Variants in DPYD observed in about 807,000 individuals in gnomAD.
DPYD encodes the protein dihydropyrimidine dehydrogenase [NADP(+)].
Under a neutral mutation model 116.2 loss-of-function variants are expected in DPYD, and 109 were observed. That is an observed-to-expected ratio of 0.94 (90% CI 0.80 to 1.10). The LOEUF (loss-of-function observed/expected upper bound fraction) is 1.10. DPYD is among the 50% of genes least tolerant of loss of function. DPYD has a pLI of 0.00. For synonymous variants in DPYD, 440 were observed against 432.0 expected (o/e 1.02, Z -0.23); for missense variants, 1,302 against 1,254.5 (o/e 1.04, Z -0.57).
chr1:97,130,252 C>T (rs1260014260), intron 20 of DPYD, among the ~76,000 whole-genome samples: 3 of 152,022 alleles, frequency 2.0e-5, no homozygotes, highest in African/African-American at 4.8e-5. Flanking sequence ...TCCATGGTTA[C>T]GAGTGAGAAA....
intron 13 of DPYD, among the ~76,000 whole-genome samples, chr1:97,496,961 T>A (rs376986234): frequency 2.0e-5 from 3 of 152,116 alleles, no homozygotes; most frequent in African/African-American, 7.2e-5. Context: ...TCTATTGCCA[T>A]CCAAATGAAT....
chr1:97,569,872 T>G (rs950854509), intron 11 of DPYD, among the ~76,000 whole-genome samples: 6 of 151,950 alleles, frequency 3.9e-5, no homozygotes, highest in Non-Finnish European at 8.8e-5. Flanking sequence ...TACTTCCCAC[T>G]CCCTGGTACA....
intron 3 of DPYD, among the ~76,000 whole-genome samples, chr1:97,771,502 C>CA (rs1666141468): frequency 6.6e-6 from 1 of 151,860 alleles, no homozygotes; most frequent in Non-Finnish European, 1.5e-5. Context: ...ATGAAATTAA[C>CA]AAAAAAGCAT....
In DPYD at chr1:97,533,432, CAA is replaced by C. The variant is rs762223323; in HGVS notation, c.1524+16126_1524+16127del. Among the ~76,000 whole-genome samples the C allele has an allele frequency of 1.3e-4, 20 of 152,158 alleles. No individual in the cohort carries two copies. The East Asian group carries it at 3.5e-3, about 26-fold the overall frequency. ...AATAAATAACATGTTGACAAATTTTCAAAAGTGTCAATCAAAAAGGTAACAAT... is the reference window on the plus strand; with the variant it reads ...AATAAATAACATGTTGACAAATTTTCAAGTGTCAATCAAAAAGGTAACAAT... On this transcript the variant is annotated intron_variant, in intron 12 of 22. Coordinates refer to ENST00000370192, the MANE Select transcript of DPYD (RefSeq NM_000110.4).
chr1:97,626,227 T>C lies in DPYD; in HGVS notation c.851-31061A>G, dbSNP rs551223564. Among the ~76,000 whole-genome samples, 9 of 152,192 alleles carry C rather than the reference T, an allele frequency of 5.9e-5. No individual in the cohort carries two copies. The South Asian group carries it at 1.7e-3, about 28-fold the overall frequency. On this transcript the variant is annotated intron_variant, in intron 8 of 22. Coordinates refer to ENST00000370192, the MANE Select transcript of DPYD (RefSeq NM_000110.4). ...TTGTCAGCGTTTCATTAATGTTTGC[T>C]AAATCAATGGGAAAAAAATGTCTTA...
intron 16 of DPYD, among the ~76,000 whole-genome samples, chr1:97,346,461 ATCTTG>A (rs1451595177): frequency 1.3e-5 from 2 of 151,752 alleles, no homozygotes. Context: ...CCTAATTTAT[ATCTTG>A]TCTTTTCGTT....
chr1:97,814,576 A>C (rs890397428), intron 3 of DPYD, among the ~76,000 whole-genome samples: 32 of 152,114 alleles, frequency 2.1e-4, no homozygotes, highest in African/African-American at 7.5e-4. Flanking sequence ...GTGAGAGAGA[A>C]AATTTTTTCC....
intron 8 of DPYD, among the ~76,000 whole-genome samples, chr1:97,640,918 A>G (rs756496100): frequency 1.3e-5 from 2 of 152,212 alleles, no homozygotes; most frequent in African/African-American, 2.4e-5. Context: ...GACATTTAGT[A>G]TAAGTAATTT....
At chr1:97,834,014 C>T (rs1245175578) in intron 2 of DPYD, among the ~76,000 whole-genome samples, 1 of 151,980 alleles carries the variant, frequency 6.6e-6, no homozygotes, top group Non-Finnish European at 1.5e-5. Flanking sequence ...GCTCCTGAAG[C>T]CCATCTATGG....
intron 13 of DPYD, among the ~76,000 whole-genome samples, chr1:97,464,801 TA>T (rs1168308219): frequency 6.6e-6 from 1 of 152,176 alleles, no homozygotes; most frequent in East Asian, 1.9e-4. Context: ...GAACCTCTAC[TA>T]GGGCAGTGCA....
chr1:97,888,877 G>A (rs553341984), intron 1 of DPYD, among the ~76,000 whole-genome samples: 6 of 152,074 alleles, frequency 3.9e-5, no homozygotes, highest in Non-Finnish European at 5.9e-5. Flanking sequence ...GAAGTTCTTG[G>A]CCAGGCATGA....
chr1:97,700,044 G>A (rs1661510424), intron 5 of DPYD, among the ~76,000 whole-genome samples: 1 of 151,974 alleles, frequency 6.6e-6, no homozygotes, highest in African/African-American at 2.4e-5. Context: ...ATTAACTTTG[G>A]GAGAATAATG....
intron 16 of DPYD, among the ~76,000 whole-genome samples, chr1:97,372,425 T>C (rs1446604263): frequency 1.3e-5 from 2 of 152,168 alleles, no homozygotes; most frequent in African/African-American, 4.8e-5. Flanking sequence ...ATGTTTTCCC[T>C]ATACTAGATA....
chr1:97,126,927 T>C (rs1652888837), intron 20 of DPYD, among the ~76,000 whole-genome samples: 1 of 152,232 alleles, frequency 6.6e-6, no homozygotes, highest in African/African-American at 2.4e-5. Context: ...CAGTCCTTTA[T>C]TCATTCAACA....
intron 20 of DPYD, among the ~76,000 whole-genome samples, chr1:97,160,870 C>A (rs1212902059): frequency 6.6e-6 from 1 of 152,090 alleles, no homozygotes; most frequent in African/African-American, 2.4e-5. Context: ...GAAATTCAGG[C>A]CTGGTCACTA....
At chr1:97,328,394 G>T (rs1668811429) in intron 16 of DPYD, among the ~76,000 whole-genome samples, 2 of 152,090 alleles carry the variant, frequency 1.3e-5, no homozygotes, top group African/African-American at 4.8e-5. Context: ...TCACTATATA[G>T]TATGTTAGGA....
chr1:97,883,831 T>C (rs759555994), intron 1 of DPYD: 29 of 310,146 alleles, frequency 9.4e-5, no homozygotes, highest in Non-Finnish European at 1.5e-4. Context: ...AACTTAGGAA[T>C]CACAAAAAAA....
chr1:97,093,570 T>C (rs1030563097), intron 21 of DPYD, among the ~76,000 whole-genome samples: 1 of 152,210 alleles, frequency 6.6e-6, no homozygotes, highest in Admixed American at 6.5e-5. Flanking sequence ...ATGAGGCAGA[T>C]ACTTTTATTA....
Position 97,549,706 on chromosome 1 carries a change from C to T in DPYD, c.1378G>A (p.Gly460Ser), listed in dbSNP as rs1332305607. ...ALSPIKFNRW[G>S]LPEVDPETMQ... ...GTTTCTGGATCTACTTCTGGGAGAC[C>T]CCATCTGTTAAATTTTATAGGGCTC... The change falls in exon 12 of 23, where the codon GGT becomes AGT. Residue 460 changes from glycine (G) to serine (S), a missense_variant. Transcript: ENST00000370192. 7 of 1,613,572 alleles carry T rather than the reference C, an allele frequency of 4.3e-6. No individual in the cohort carries two copies. The highest frequency in any genetic ancestry group is 5.9e-6 in the Non-Finnish European group (7 of 1,179,814).
Sources: gnomAD v4.1 joint callset for allele counts (sites outside exome capture counted in the v4.1 genomes callset) on GRCh38, gnomAD v4.1.1 for gene constraint, MANE v1.5 for transcripts, NCBI Gene and HGNC (gene_info 2026-07-23, HGNC 2026-07-21) for gene names.